The following ATP11A variants were observed in gnomAD, a reference collection of about 807,000 sequenced individuals.
ATP11A encodes the protein ATPase phospholipid transporting 11A, also known as phospholipid-transporting ATPase IH.
In ATP11A, 81 loss-of-function variants were observed where a neutral mutation model predicts 154.4. The observed-to-expected ratio is 0.52, with a 90% confidence interval of 0.44 to 0.63. The LOEUF is 0.63. Among genes scored for constraint, ATP11A ranks in the 30% least tolerant of loss-of-function variants. The probability of loss-of-function intolerance (pLI) is 0.00; values close to 1 mark genes in which losing one functional copy is unlikely to be tolerated. For synonymous variants in ATP11A, 623 were observed against 585.9 expected, an observed-to-expected ratio of 1.06 and a Z score of -0.91; for missense variants, 1,316 against 1,474.3, an observed-to-expected ratio of 0.89 and a Z score of 1.76.
At position 112,863,444 on chromosome 13, in the gene ATP11A, G is replaced by A. The variant is rs181222456; in HGVS notation, c.2991+869G>A. Among the ~76,000 whole-genome samples, 103 of 145,204 alleles carry A rather than the reference G, an allele frequency of 7.1e-4. 1 individual carries two copies. The highest frequency in any genetic ancestry group is 1.8e-3 in the African/African-American group (72 of 39,202). On this transcript the variant is annotated intron_variant, in intron 25 of 29. Transcript: ENST00000375645. ...AGTGCAGGCCCTGCAGCTTCCCAGC[G>A]GGGTCCATCACCACCTGCGCAGTAA... is the stretch of plus-strand genomic sequence containing the variant.
intron 3 of ATP11A, among the ~76,000 whole-genome samples, chr13:112,805,897 C>T (rs1483028130): frequency 6.6e-6 from 1 of 151,642 alleles, no homozygotes; most frequent in Non-Finnish European, 1.5e-5. Flanking sequence ...TTAAATTATT[C>T]AAATCATGTA....
At chr13:112,726,116 A>T (rs1480411442) in intron 1 of ATP11A, among the ~76,000 whole-genome samples, 1 of 152,240 alleles carries the variant, frequency 6.6e-6, no homozygotes, top group African/African-American at 2.4e-5. Context: ...AGTGTGTGTC[A>T]CCAGGAGGTG....
At chr13:112,789,824 G>A (rs1327760624) in intron 2 of ATP11A, among the ~76,000 whole-genome samples, 5 of 148,404 alleles carry the variant, frequency 3.4e-5, no homozygotes, top group African/African-American at 1.2e-4. Flanking sequence ...CACACCGAGT[G>A]TCCTGACGTG....
In ATP11A at chr13:112,836,157, CCTT is replaced by C. The variant is rs755259790; in HGVS notation, c.1632-18_1632-16del. On this transcript the variant is annotated intron_variant, in intron 15 of 29. Transcript: ENST00000375645. Reference sequence around the variant, plus strand: ...GTGAGCACCCGTGTGGACGGTGTGACCTTCTGCATTTCTCTTTCAGGTTTGAAT... The same window carrying C: ...GTGAGCACCCGTGTGGACGGTGTGACCTGCATTTCTCTTTCAGGTTTGAAT... 8.2e-6 allele frequency: 13 copies of C among 1,593,416 alleles called. No homozygotes were observed. The East Asian group carries it at 1.6e-4, about 19-fold the overall frequency.
rs1892139158 is a variant in ATP11A at position 112,746,338 on chromosome 13, G to C, written c.40-38797G>C. On this transcript the variant is annotated intron_variant, in intron 1 of 29. Coordinates refer to ENST00000375645, the MANE Select transcript of ATP11A (RefSeq NM_015205.3). This position sits in a 1 kb window ranked among gnomAD's most constrained non-coding sequence, Gnocchi z 4.1. ...CTCCGGTTCCCCACGTCCTCACCGG[G>C]TAACTGGGGTTCCGGCTCCCCACGT... is the stretch of plus-strand genomic sequence containing the variant. 1 of 151,646 alleles carries C rather than the reference G, an allele frequency of 6.6e-6. No individual in the cohort carries two copies. The highest frequency in any genetic ancestry group is 1.9e-4 in the East Asian group (1 of 5,174). 9.4% of individuals were successfully genotyped at this position (151,646 alleles called of 1,614,324 possible).
Position 112,753,099 on chromosome 13 carries a change from T to C in ATP11A, c.40-32036T>C, listed in dbSNP as rs2076733686. Among the ~76,000 whole-genome samples the C allele has an allele frequency of 6.6e-6, 1 of 152,180 alleles. No homozygotes were observed. The highest frequency in any genetic ancestry group is 2.1e-4 in the South Asian group (1 of 4,826). On this transcript the variant is annotated intron_variant, in intron 1 of 29. Transcript: ENST00000375645. The surrounding 1 kb of genome is among the most constrained non-coding windows in gnomAD (Gnocchi z 4.1). ...ATGAGTCAGTGTTCCCAATGACATA[T>C]ACGGTGGCTTACAGTTACCCCGGCC... is the stretch of plus-strand genomic sequence containing the variant.
rs1256106269 is a variant in ATP11A, at chr13:112,882,922, G to A, written c.*1056G>A. ...CTGACGGGGGTGGCACACAGGACAC[G>A]GGTGGATCCCAACAGGCAGCACCGC... On this transcript the variant is annotated 3_prime_UTR_variant, in exon 30 of 30. Transcript: ENST00000375645. This position sits in a 1 kb window ranked among gnomAD's most constrained non-coding sequence, Gnocchi z 5.1. The A allele has an allele frequency of 2.0e-5, 8 of 398,930 alleles. No homozygotes were observed. The highest frequency in any genetic ancestry group is 4.4e-5 in the Admixed American group (1 of 22,710). 24.7% of individuals were successfully genotyped at this position (398,930 alleles called of 1,614,324 possible).
chr13:112,760,139 CG>C (rs2076931402), intron 1 of ATP11A, among the ~76,000 whole-genome samples: 1 of 152,212 alleles, frequency 6.6e-6, no homozygotes, highest in Non-Finnish European at 1.5e-5. Context: ...ATAAACAAAA[CG>C]TGAGTCTTTT....
chr13:112,878,400 A>G (rs2140442283), intron 29 of ATP11A, 97 bp downstream of exon 29: 4 of 1,330,252 alleles, frequency 3.0e-6, no homozygotes, highest in Non-Finnish European at 4.3e-6. Flanking sequence ...GCTCTGACGC[A>G]GCGTCCACCA....
chr13:112,730,765 T>C (rs1441552871), intron 1 of ATP11A, among the ~76,000 whole-genome samples: 2 of 152,046 alleles, frequency 1.3e-5, no homozygotes, highest in Non-Finnish European at 2.9e-5. Flanking sequence ...GGGGAAAGGG[T>C]AGAAAACTGC....
At chr13:112,755,150 TC>T (rs2076788943) in intron 1 of ATP11A, among the ~76,000 whole-genome samples, 1 of 152,200 alleles carries the variant, frequency 6.6e-6, no homozygotes, top group African/African-American at 2.4e-5. Flanking sequence ...CAGTTACTTT[TC>T]TTTTGATTTT....
chr13:112,862,308 A>G (rs1188227279), intron 24 of ATP11A, 132 bp from the exon 25 acceptor site: 2 of 1,104,326 alleles, frequency 1.8e-6, no homozygotes, highest in Non-Finnish European at 2.6e-6. Flanking sequence ...CCAGAGCACA[A>G]ACTTGATGTT....
At chr13:112,776,541 G>A (rs1214640647) in intron 1 of ATP11A, among the ~76,000 whole-genome samples, 1 of 152,168 alleles carries the variant, frequency 6.6e-6, no homozygotes, top group African/African-American at 2.4e-5. Context: ...GCCTGGCGAT[G>A]GTTCTGGGTT....
chr13:112,865,100 A>AG (rs2080279997), intron 25 of ATP11A, among the ~76,000 whole-genome samples: 1 of 57,278 alleles, frequency 1.7e-5, no homozygotes, highest in Non-Finnish European at 3.5e-5. Flanking sequence ...AATTCAGTGC[A>AG]GCCCATGCAG....
chr13:112,836,317 A>G, intron 16 of ATP11A, 66 bp downstream of exon 16: 1 of 955,194 alleles, frequency 1.0e-6, no homozygotes, highest in South Asian at 1.6e-5. Context: ...TCTGATGACT[A>G]AATTCTACAG....
intron 1 of ATP11A, among the ~76,000 whole-genome samples, chr13:112,699,068 A>T (rs1437295385): frequency 6.6e-6 from 1 of 152,196 alleles, no homozygotes; most frequent in Non-Finnish European, 1.5e-5. Flanking sequence ...TTCAAAGTAG[A>T]GTGGGAAGAA....
At chr13:112,734,907 A>G (rs1890842055) in intron 1 of ATP11A, among the ~76,000 whole-genome samples, 1 of 152,192 alleles carries the variant, frequency 6.6e-6, no homozygotes, top group Non-Finnish European at 1.5e-5. Flanking sequence ...AGGACCATGA[A>G]TACCGACTGG....
rs1887638747 is a variant in ATP11A, at chr13:112,710,778, TA to T, written c.39+20328del. Among the ~76,000 whole-genome samples the T allele has an allele frequency of 1.3e-5, 2 of 150,616 alleles. 1 individual carries two copies. Reference sequence around the variant, plus strand: ...ATGCTGATAGTAATGAAAATCATTTTAAAAATCATAACAGGGCAGACAAGTC... The same window carrying T: ...ATGCTGATAGTAATGAAAATCATTTTAAAATCATAACAGGGCAGACAAGTC... On this transcript the variant is annotated intron_variant, in intron 1 of 29. Transcript: ENST00000375645.
chr13:112,764,565 A>G (rs934423949), intron 1 of ATP11A, among the ~76,000 whole-genome samples: 16 of 152,194 alleles, frequency 1.1e-4, no homozygotes, highest in African/African-American at 2.9e-4. Flanking sequence ...ACAGAGTCCC[A>G]GGTGGGGCCT....
Sources: allele counts gnomAD v4.1 joint callset (sites outside exome capture counted in the v4.1 genomes callset), GRCh38; gene constraint gnomAD v4.1.1; non-coding constraint Gnocchi (gnomAD v3.1); transcripts MANE v1.5; gene names NCBI Gene and HGNC (gene_info 2026-07-23, HGNC 2026-07-21).